RABGAP1L: variants seen among roughly 807,000 people sequenced by gnomAD.
The protein encoded by RABGAP1L is RAB GTPase activating protein 1 like, also known as rab GTPase-activating protein 1-like.
In RABGAP1L, 63 loss-of-function variants were observed where a neutral mutation model predicts 137.7. The ratio of observed to expected loss-of-function variants is 0.46; its 90% confidence interval spans 0.37 to 0.56. The LOEUF is 0.56. Among genes scored for constraint, RABGAP1L ranks in the 20% least tolerant of loss-of-function variants. The pLI is 0.00. For synonymous variants in RABGAP1L, 431 were observed against 433.7 expected (o/e 0.99, Z 0.08); for missense variants, 1,095 against 1,244.0 (o/e 0.88, Z 1.80).
chr1:174,678,361 T>C (rs568419575), intron 14 of RABGAP1L, among the ~76,000 whole-genome samples: 1 of 152,198 alleles, frequency 6.6e-6, no homozygotes, highest in African/African-American at 2.4e-5. Context: ...GACACACTTG[T>C]TTTATAAGGC....
At chr1:174,694,045 G>T (rs1251031796) in intron 15 of RABGAP1L, among the ~76,000 whole-genome samples, 1 of 152,038 alleles carries the variant, frequency 6.6e-6, no homozygotes, top group South Asian at 2.1e-4. Context: ...TTGTAATGAC[G>T]ATTTACATAG....
chr1:174,282,431 ATCT>A (rs1305180587), intron 10 of RABGAP1L, among the ~76,000 whole-genome samples: 3 of 152,114 alleles, frequency 2.0e-5, no homozygotes, highest in East Asian at 1.9e-4. Flanking sequence ...TCATTCATAT[ATCT>A]TCTTTATAAA....
intron 13 of RABGAP1L, among the ~76,000 whole-genome samples, chr1:174,441,236 T>C (rs1654103660): frequency 6.6e-6 from 1 of 151,718 alleles, no homozygotes; most frequent in South Asian, 2.1e-4. Flanking sequence ...CAGCTGATGA[T>C]TGTAAAAAAA....
intron 19 of RABGAP1L, among the ~76,000 whole-genome samples, chr1:174,881,497 T>TC (rs1326290803): frequency 2.6e-4 from 37 of 144,880 alleles, no homozygotes; most frequent in African/African-American, 9.3e-4. Flanking sequence ...ATTTGCTTTT[T>TC]TTTTTTTTTT....
intron 17 of RABGAP1L, among the ~76,000 whole-genome samples, chr1:174,708,919 C>T (rs1279984727): frequency 1.3e-5 from 2 of 152,228 alleles, no homozygotes; most frequent in African/African-American, 4.8e-5. Flanking sequence ...CTAAGATTCA[C>T]TGGCTTGAAA....
chr1:174,267,909 T>A (rs1264974485), intron 7 of RABGAP1L, among the ~76,000 whole-genome samples: 1 of 152,208 alleles, frequency 6.6e-6, no homozygotes, highest in East Asian at 1.9e-4. Context: ...GCAGTTTTGC[T>A]TATATGGTTA....
At chr1:174,531,474 A>C (rs1469806512) in intron 13 of RABGAP1L, among the ~76,000 whole-genome samples, 1 of 152,164 alleles carries the variant, frequency 6.6e-6, no homozygotes, top group Non-Finnish European at 1.5e-5. Context: ...AAAAAGAAAT[A>C]CATCAAGGAT....
chr1:174,402,046 G>C (rs1648656431), intron 13 of RABGAP1L, among the ~76,000 whole-genome samples: 1 of 152,298 alleles, frequency 6.6e-6, no homozygotes, highest in Admixed American at 6.5e-5. Context: ...TCTAACCTTA[G>C]TACTCAATGC....
chr1:174,331,661 T>C (rs1442021025), intron 11 of RABGAP1L, among the ~76,000 whole-genome samples: 1 of 151,322 alleles, frequency 6.6e-6, no homozygotes, highest in Non-Finnish European at 1.5e-5. Context: ...AAAGAAGAAC[T>C]CTCTTTTTTT....
chr1:174,606,715 T>G (rs1670820856), intron 13 of RABGAP1L, among the ~76,000 whole-genome samples: 1 of 152,226 alleles, frequency 6.6e-6, no homozygotes, highest in Admixed American at 6.5e-5. Flanking sequence ...CCTCACAGGC[T>G]TAGTATTCTC....
chr1:174,885,980 A>G (rs1473205017), intron 19 of RABGAP1L, among the ~76,000 whole-genome samples: 2 of 151,250 alleles, frequency 1.3e-5, no homozygotes, highest in Non-Finnish European at 2.9e-5. Context: ...AAAAATAAAA[A>G]CAAAACGATG....
chr1:174,282,619 G>A (rs900438250), intron 10 of RABGAP1L, among the ~76,000 whole-genome samples: 1 of 151,930 alleles, frequency 6.6e-6, no homozygotes, highest in East Asian at 1.9e-4. Context: ...TTTACATTTC[G>A]ATGAAGTCAT....
intron 18 of RABGAP1L, among the ~76,000 whole-genome samples, chr1:174,789,634 G>A (rs1687707980): frequency 6.6e-6 from 1 of 151,896 alleles, no homozygotes; most frequent in Non-Finnish European, 1.5e-5. Context: ...GTCTCTGTGG[G>A]GTCTCCTGGG....
chr1:174,183,563 A>C (rs1027550530), intron 1 of RABGAP1L, among the ~76,000 whole-genome samples: 1 of 152,212 alleles, frequency 6.6e-6, no homozygotes, highest in African/African-American at 2.4e-5. Flanking sequence ...ATCGACATTC[A>C]TACATCAGGG....
rs1667971974 is a variant in RABGAP1L at position 174,571,450 on chromosome 1, A to T, written c.1711-65925A>T. On this transcript the variant is annotated intron_variant, in intron 13 of 25. Transcript: ENST00000681986. ...TTGGATTGTTTGTAACAGAAAGGAT[A>T]AATGCTTGAGGGGGATGGATACCCA... Among the ~76,000 whole-genome samples, 9 of 152,276 alleles carry T rather than the reference A, an allele frequency of 5.9e-5. No individual in the cohort carries two copies. The South Asian group carries it at 1.7e-3, about 28-fold the overall frequency.
Position 174,752,369 on chromosome 1 carries a change from T to A in RABGAP1L, c.2211+15T>A, listed in dbSNP as rs750009847. The A allele has an allele frequency of 2.6e-6, 4 of 1,538,240 alleles. No individual in the cohort carries two copies. Among genetic ancestry groups the A allele is most frequent in the Non-Finnish European group, 3.6e-6 (4 of 1,125,644 alleles). On this transcript the variant is annotated intron_variant, in intron 18 of 25. Transcript: ENST00000681986. ...CTCTCCTAAAGGTAAGTCTTTTTTTTAATCTTAAGTTACCACATTCTCTTA... is the reference window on the plus strand; with the variant it reads ...CTCTCCTAAAGGTAAGTCTTTTTTTAAATCTTAAGTTACCACATTCTCTTA...
intron 11 of RABGAP1L, among the ~76,000 whole-genome samples, chr1:174,315,097 G>T (rs529579701): frequency 4.8e-4 from 73 of 151,980 alleles, no homozygotes; most frequent in African/African-American, 1.7e-3. Flanking sequence ...GGGTTTGAAG[G>T]TATTATTGTG....
chr1:174,670,035 A>G lies in RABGAP1L; in HGVS notation c.1825-13487A>G, dbSNP rs369098458. Among the ~76,000 whole-genome samples, 5 of 152,146 alleles carry G rather than the reference A, an allele frequency of 3.3e-5. No individual in the cohort carries two copies. The East Asian group carries it at 7.7e-4, about 23-fold the overall frequency. ...TGTAAATAATGTCATTGGTATTTTT[A>G]TGGGGATTCCATTGAATACATGGGT... On this transcript the variant is annotated intron_variant, in intron 14 of 25. Transcript: ENST00000681986.
chr1:174,947,480 C>T (rs370392386), intron 19 of RABGAP1L, among the ~76,000 whole-genome samples: 7 of 151,948 alleles, frequency 4.6e-5, no homozygotes, highest in African/African-American at 1.7e-4. Context: ...TACAATGCCG[C>T]GATCTTGGCT....
Sources: gnomAD v4.1 joint callset for allele counts (sites outside exome capture counted in the v4.1 genomes callset) on GRCh38, gnomAD v4.1.1 for gene constraint, MANE v1.5 for transcripts, NCBI Gene and HGNC (gene_info 2026-07-23, HGNC 2026-07-21) for gene names.